The following MRAP2 variants were observed in gnomAD, a reference collection of about 807,000 sequenced individuals.
MRAP2 encodes the protein melanocortin-2 receptor accessory protein 2.
Under a neutral mutation model 17.4 loss-of-function variants are expected in MRAP2, and 20 were observed. The observed-to-expected ratio is 1.15, with a 90% CI of 0.81 to 1.67. MRAP2 has a LOEUF of 1.67. MRAP2 is among the 40% of genes most tolerant of loss of function. The pLI is 0.00. For synonymous variants in MRAP2, 96 were observed against 88.4 expected, an observed-to-expected ratio of 1.09 and a Z score of -0.48; for missense variants, 238 against 240.0, an observed-to-expected ratio of 0.99 and a Z score of 0.05.
chr6:84,140,375 C>T, the MRAP2 span, among the ~76,000 whole-genome samples: 2 of 152,126 alleles, frequency 1.3e-5, no homozygotes, highest in African/African-American at 4.8e-5. Flanking sequence ...ACCATTTTCA[C>T]ACAACTCTTC....
intron 3 of MRAP2, chr6:84,063,326 T>A: frequency 1.0e-6 from 1 of 985,118 alleles, no homozygotes; most frequent in South Asian, 4.7e-5. Context: ...ATTTAGATGA[T>A]TCACCATATT....
At chr6:84,044,826 T>G (rs1325755940) in intron 1 of MRAP2, among the ~76,000 whole-genome samples, 2 of 152,236 alleles carry the variant, frequency 1.3e-5, no homozygotes, top group Non-Finnish European at 2.9e-5. Context: ...GGCACCTTAT[T>G]CACATTGTAG....
the MRAP2 span, among the ~76,000 whole-genome samples, chr6:84,135,835 C>T: frequency 7.9e-5 from 12 of 152,138 alleles, no homozygotes; most frequent in African/African-American, 2.9e-4. Flanking sequence ...TGCACTCCAG[C>T]CTGGGCGACA....
At chr6:84,073,464 C>A (rs1025466583) in intron 3 of MRAP2, among the ~76,000 whole-genome samples, 1 of 152,198 alleles carries the variant, frequency 6.6e-6, no homozygotes, top group Non-Finnish European at 1.5e-5. Context: ...GAGCAATCTG[C>A]TTCCTTCAGA....
At chr6:84,112,980 T>G in the MRAP2 span, among the ~76,000 whole-genome samples, 1 of 152,148 alleles carries the variant, frequency 6.6e-6, no homozygotes, top group East Asian at 1.9e-4. Flanking sequence ...ATGATTTCTG[T>G]TTTTTGCATT....
intron 3 of MRAP2, 147 bp from the exon 4 acceptor site, chr6:84,088,944 C>A: frequency 1.2e-6 from 1 of 837,780 alleles, no homozygotes; most frequent in Non-Finnish European, 1.8e-6. Context: ...TCTTATTTCT[C>A]ATGTTTGTCT....
At chr6:84,120,278 G>A in the MRAP2 span, among the ~76,000 whole-genome samples, 1 of 152,104 alleles carries the variant, frequency 6.6e-6, no homozygotes, top group Non-Finnish European at 1.5e-5. Flanking sequence ...TCCTTACTTG[G>A]TCTACTGATT....
the MRAP2 span, among the ~76,000 whole-genome samples, chr6:84,115,071 G>T: frequency 1.3e-5 from 2 of 152,180 alleles, no homozygotes; most frequent in African/African-American, 2.4e-5. Context: ...CCTTAAGGAG[G>T]CAGTCTGTCT....
intron 3 of MRAP2, among the ~76,000 whole-genome samples, chr6:84,077,388 T>C (rs1377180608): frequency 1.3e-5 from 2 of 152,078 alleles, no homozygotes; most frequent in African/African-American, 2.4e-5. Context: ...CTTGAGTACA[T>C]TGGGGGCTGT....
At chr6:84,143,339 G>A in the MRAP2 span, among the ~76,000 whole-genome samples, 1 of 151,878 alleles carries the variant, frequency 6.6e-6, no homozygotes, top group Non-Finnish European at 1.5e-5. Context: ...TATATGACAG[G>A]TCATGGCTGC....
In MRAP2 at chr6:84,055,464, C is replaced by G. The variant is rs114262637; in HGVS notation, c.127+19C>G. 1 of 1,606,544 alleles carries G rather than the reference C, an allele frequency of 6.2e-7. No homozygotes were observed. Among genetic ancestry groups the G allele is most frequent in the Non-Finnish European group, 8.5e-7 (1 of 1,176,034 alleles). On this transcript the variant is annotated intron_variant, in intron 2 of 3. Coordinates refer to ENST00000257776, the MANE Select transcript of MRAP2 (RefSeq NM_138409.4). Reference sequence around the variant, plus strand: ...CATAAATGTAAGTTTTATACAATTCCTCATTGAAAGCATAATTGTATTTCT... The same window carrying G: ...CATAAATGTAAGTTTTATACAATTCGTCATTGAAAGCATAATTGTATTTCT...
chr6:84,095,037 T>C (rs1236991250), downstream of MRAP2, among the ~76,000 whole-genome samples: 1 of 152,186 alleles, frequency 6.6e-6, no homozygotes, highest in African/African-American at 2.4e-5. Flanking sequence ...GTTTTGTTTT[T>C]TTACAACAGC....
At chr6:84,033,716 C>T, upstream of MRAP2, 1 of 985,224 alleles carries the variant, frequency 1.0e-6, no homozygotes. Context: ...CGCCCCGCGC[C>T]GCCTCCGCTG....
chr6:84,058,572 C>T (rs1204966683), intron 2 of MRAP2, among the ~76,000 whole-genome samples: 2 of 151,742 alleles, frequency 1.3e-5, no homozygotes, highest in African/African-American at 4.8e-5. Context: ...CGGGGGAAGC[C>T]GTAGACTTGA....
At chr6:84,120,854 C>T in the MRAP2 span, among the ~76,000 whole-genome samples, 57 of 152,164 alleles carry the variant, frequency 3.7e-4, no homozygotes, top group Middle Eastern at 6.8e-3. Context: ...TCTTCTTTTA[C>T]GTAAAAAATA....
the MRAP2 span, among the ~76,000 whole-genome samples, chr6:84,116,071 A>G: frequency 9.2e-5 from 14 of 152,194 alleles, no homozygotes; most frequent in African/African-American, 3.4e-4. Flanking sequence ...TCATCTGCAA[A>G]CAAAAAAGAG....
At chr6:84,046,372 A>C (rs1388494279) in intron 1 of MRAP2, among the ~76,000 whole-genome samples, 3 of 152,280 alleles carry the variant, frequency 2.0e-5, no homozygotes, top group Non-Finnish European at 2.9e-5. Context: ...GGAAGCTGCT[A>C]ATTTTCAATG....
chr6:84,048,359 T>G (rs914186584), intron 1 of MRAP2, among the ~76,000 whole-genome samples: 4 of 152,224 alleles, frequency 2.6e-5, no homozygotes, highest in Non-Finnish European at 5.9e-5. Context: ...TTTTGATAGT[T>G]GATTCTTTGA....
chr6:84,093,762 C>T (rs1355192681), downstream of MRAP2, among the ~76,000 whole-genome samples: 1 of 152,194 alleles, frequency 6.6e-6, no homozygotes, highest in Non-Finnish European at 1.5e-5. Flanking sequence ...CTGGTAGTGA[C>T]TTAGTGACTT....
Sources: allele counts gnomAD v4.1 joint callset (sites outside exome capture counted in the v4.1 genomes callset), GRCh38; gene constraint gnomAD v4.1.1; transcripts MANE v1.5; gene names NCBI Gene and HGNC (gene_info 2026-07-23, HGNC 2026-07-21).